Variants in SNTB1 observed in about 807,000 individuals in gnomAD.
SNTB1 encodes the protein syntrophin beta 1.
In SNTB1, 36 loss-of-function variants were observed where a neutral mutation model predicts 48.9. The ratio of observed to expected loss-of-function variants is 0.74; its 90% confidence interval spans 0.56 to 0.97. The LOEUF (loss-of-function observed/expected upper bound fraction) is 0.97, where lower values mean the gene tolerates loss of function less well. Ranked by LOEUF, SNTB1 falls within the 50% of genes least tolerant of loss-of-function variation. SNTB1 has a pLI of 0.00. For synonymous variants in SNTB1, 299 were observed against 294.6 expected (o/e 1.01, Z -0.15); for missense variants, 786 against 703.4 (o/e 1.12, Z -1.33).
intron 1 of SNTB1, among the ~76,000 whole-genome samples, chr8:120,766,836 G>T (rs959381943): frequency 6.6e-6 from 1 of 152,062 alleles, no homozygotes; most frequent in African/African-American, 2.4e-5. Flanking sequence ...ACACATTGGG[G>T]TTCATTGCTG....
intron 3 of SNTB1, among the ~76,000 whole-genome samples, chr8:120,584,422 G>C (rs545682635): frequency 9.8e-6 from 1 of 101,668 alleles, no homozygotes; most frequent in South Asian, 3.6e-4. Context: ...TTGGGTGACA[G>C]AGCGAAACTC....
At chr8:120,774,475 T>C (rs1255886459) in intron 1 of SNTB1, among the ~76,000 whole-genome samples, 1 of 152,180 alleles carries the variant, frequency 6.6e-6, no homozygotes, top group African/African-American at 2.4e-5. Context: ...CCCTGGCAGC[T>C]GTGTGGCATA....
At chr8:120,786,549 G>A (rs1011482873) in intron 1 of SNTB1, among the ~76,000 whole-genome samples, 1 of 152,182 alleles carries the variant, frequency 6.6e-6, no homozygotes, top group African/African-American at 2.4e-5. Context: ...CAGGGTGACT[G>A]CATCCCTGTA....
intron 2 of SNTB1, among the ~76,000 whole-genome samples, chr8:120,634,850 T>C (rs1817047185): frequency 6.9e-6 from 1 of 145,800 alleles, no homozygotes; most frequent in Non-Finnish European, 1.5e-5. Flanking sequence ...TAATTAGTAT[T>C]CATTTTTTTT....
intron 4 of SNTB1, chr8:120,571,119 C>T: frequency 1.1e-6 from 1 of 876,348 alleles, no homozygotes; most frequent in Non-Finnish European, 1.5e-6. Flanking sequence ...AAAAGCAGTC[C>T]CCATTGTTCA....
chr8:120,641,354 G>A (rs1042596184), intron 2 of SNTB1, among the ~76,000 whole-genome samples: 1 of 152,064 alleles, frequency 6.6e-6, no homozygotes, highest in Non-Finnish European at 1.5e-5. Context: ...ATTATTCTAG[G>A]AATTTAAAGC....
chr8:120,616,543 C>A (rs1177796459), intron 3 of SNTB1, among the ~76,000 whole-genome samples: 13 of 151,520 alleles, frequency 8.6e-5, no homozygotes, highest in African/African-American at 2.7e-4. Context: ...TCTCAAACTC[C>A]TGGCCTCAAG....
chr8:120,702,606 A>G (rs892017655), intron 1 of SNTB1, among the ~76,000 whole-genome samples: 4 of 151,744 alleles, frequency 2.6e-5, no homozygotes, highest in Non-Finnish European at 5.9e-5. Context: ...CACTGATATC[A>G]ACAGCATCAG....
intron 1 of SNTB1, among the ~76,000 whole-genome samples, chr8:120,790,789 C>T (rs562288370): frequency 8.9e-4 from 136 of 151,968 alleles, no homozygotes; most frequent in African/African-American, 2.9e-3. Flanking sequence ...TTGGAAGAAT[C>T]GGTATCATGA....
rs1426333643 is a variant in SNTB1 at position 120,571,482 on chromosome 8, T to TTTG, written c.1136+3603_1136+3604insCAA. 8.7e-4 allele frequency: 6 copies of TTTG among 6,912 alleles called. 1 individual carries two copies. Among genetic ancestry groups the TTTG allele is most frequent in the Admixed American group, 3.0e-3 (1 of 332 alleles). 0.4% of individuals were successfully genotyped at this position (6,912 alleles called of 1,614,324 possible). ...GTTTACATTCTGACTATTGAGGGTTTTTTTTTTTTTTTTTTTTTTTTTTTT... is the reference window on the plus strand; with the variant it reads ...GTTTACATTCTGACTATTGAGGGTTTTTGTTTTTTTTTTTTTTTTTTTTTTTTT... On this transcript the variant is annotated intron_variant, in intron 4 of 6. Transcript: ENST00000517992.
intron 4 of SNTB1, among the ~76,000 whole-genome samples, chr8:120,572,863 C>T (rs2130683539): frequency 6.6e-6 from 1 of 152,212 alleles, no homozygotes; most frequent in South Asian, 2.1e-4. Flanking sequence ...TGCAGTGCGC[C>T]AAGATAGCAC....
At chr8:120,660,122 A>G (rs1486289733) in intron 2 of SNTB1, among the ~76,000 whole-genome samples, 1 of 152,228 alleles carries the variant, frequency 6.6e-6, no homozygotes, top group African/African-American at 2.4e-5. Context: ...TAGAATGGCA[A>G]ATAACCATTA....
chr8:120,561,804 A>C (rs1353183518), intron 4 of SNTB1, among the ~76,000 whole-genome samples: 1 of 152,204 alleles, frequency 6.6e-6, no homozygotes, highest in Non-Finnish European at 1.5e-5. Flanking sequence ...TACCGCCTCC[A>C]GATATTCTCC....
chr8:120,734,172 G>C (rs1432818179), intron 1 of SNTB1, among the ~76,000 whole-genome samples: 1 of 152,184 alleles, frequency 6.6e-6, no homozygotes, highest in Non-Finnish European at 1.5e-5. Context: ...GGCCAGGCGC[G>C]ATGGTTCATG....
At chr8:120,683,282 T>G (rs1485533163) in intron 2 of SNTB1, among the ~76,000 whole-genome samples, 1 of 152,208 alleles carries the variant, frequency 6.6e-6, no homozygotes, top group Non-Finnish European at 1.5e-5. Context: ...ACACAGCCGA[T>G]TACAAGCAAT....
At chr8:120,632,393 T>A in intron 3 of SNTB1, 51 bp downstream of exon 3, 2 of 1,528,266 alleles carry the variant, frequency 1.3e-6, no homozygotes. Context: ...TTATGAGCGC[T>A]GGGGGAATCT....
intron 1 of SNTB1, among the ~76,000 whole-genome samples, chr8:120,717,603 C>T (rs1818582938): frequency 6.6e-6 from 1 of 152,188 alleles, no homozygotes; most frequent in African/African-American, 2.4e-5. Flanking sequence ...AAGCTTCCAG[C>T]CCTTGCAGCA....
chr8:120,702,979 G>T (rs1818330266), intron 1 of SNTB1, among the ~76,000 whole-genome samples: 1 of 152,196 alleles, frequency 6.6e-6, no homozygotes. Flanking sequence ...GGGCTTGGAA[G>T]AGTGTTTAGT....
chr8:120,600,410 C>T (rs1273862779), intron 3 of SNTB1, among the ~76,000 whole-genome samples: 1 of 152,208 alleles, frequency 6.6e-6, no homozygotes, highest in Non-Finnish European at 1.5e-5. Flanking sequence ...TGTGCACCAT[C>T]TTGGATGGTA....
Sources: gnomAD v4.1 joint callset for allele counts (sites outside exome capture counted in the v4.1 genomes callset) on GRCh38, gnomAD v4.1.1 for gene constraint, MANE v1.5 for transcripts, NCBI Gene and HGNC (gene_info 2026-07-23, HGNC 2026-07-21) for gene names.